The following NTM variants were observed in gnomAD, a reference collection of about 807,000 sequenced individuals.
NTM encodes the protein neurotrimin.
In NTM, 13 loss-of-function variants were observed where a neutral mutation model predicts 42.1. The observed-to-expected ratio is 0.31, with a 90% confidence interval of 0.20 to 0.49. NTM has a LOEUF of 0.49. Ranked by LOEUF, NTM falls within the 20% of genes least tolerant of loss-of-function variation. The pLI is 0.99. For missense variants in NTM, 373 were observed against 452.8 expected, an observed-to-expected ratio of 0.82 and a Z score of 1.60; for synonymous variants, 187 against 179.2, an observed-to-expected ratio of 1.04 and a Z score of -0.35.
chr11:131,766,607 T>C (rs1314462005), intron 1 of NTM, among the ~76,000 whole-genome samples: 1 of 152,196 alleles, frequency 6.6e-6, no homozygotes, highest in African/African-American at 2.4e-5. Flanking sequence ...CTTTCATTTG[T>C]ACAATTATCA....
chr11:132,278,901 A>G (rs776483722), intron 4 of NTM, among the ~76,000 whole-genome samples: 1 of 152,072 alleles, frequency 6.6e-6, no homozygotes, highest in Non-Finnish European at 1.5e-5. Context: ...TTACACCAAT[A>G]TGTAGCTGCA....
chr11:131,692,886 A>C (rs1281490001), intron 1 of NTM, among the ~76,000 whole-genome samples: 2 of 152,338 alleles, frequency 1.3e-5, no homozygotes, highest in Admixed American at 1.3e-4. Context: ...GTCACTGAGC[A>C]TTCAGGGTTA....
At chr11:131,432,761 T>C (rs2135921027) in intron 1 of NTM, among the ~76,000 whole-genome samples, 1 of 151,894 alleles carries the variant, frequency 6.6e-6, no homozygotes, top group Admixed American at 6.6e-5. Flanking sequence ...TACCTCCAGA[T>C]TTCTCAGTAA....
rs1168878200 is a variant in NTM, at chr11:132,003,239, C to T, written c.167+91591C>T. Reference sequence around the variant, plus strand: ...TTGAATCCGGATTCCTCCACCCACACCCTTAGAGTTTTTTTTTCTTTTTTT... The same window carrying T: ...TTGAATCCGGATTCCTCCACCCACATCCTTAGAGTTTTTTTTTCTTTTTTT... On this transcript the variant is annotated intron_variant, in intron 2 of 8. Coordinates refer to ENST00000683400, the MANE Select transcript of NTM (RefSeq NM_001352005.2). This position sits in a 1 kb window ranked among gnomAD's most constrained non-coding sequence, Gnocchi z 6.0. Among the ~76,000 whole-genome samples the T allele has an allele frequency of 2.8e-5, 4 of 142,084 alleles. No homozygotes were observed. Among genetic ancestry groups the T allele is most frequent in the African/African-American group, 5.4e-5 (2 of 36,774 alleles). The allele number at this position is 142,084 out of a possible 152,430, so 93.2% of individuals were successfully genotyped here.
At chr11:132,016,147 T>C (rs969943215) in intron 2 of NTM, among the ~76,000 whole-genome samples, 1 of 152,024 alleles carries the variant, frequency 6.6e-6, no homozygotes, top group South Asian at 2.1e-4. Flanking sequence ...AAATGCTTTT[T>C]CTGCATTATT....
chr11:132,291,324 T>A (rs140858166), intron 4 of NTM, among the ~76,000 whole-genome samples: 264 of 152,250 alleles, frequency 1.7e-3, no homozygotes, highest in Non-Finnish European at 3.0e-3. Context: ...AAGCGTTAAG[T>A]ACTGAGTATG....
intron 1 of NTM, among the ~76,000 whole-genome samples, chr11:131,761,703 G>C (rs562958986): frequency 3.6e-4 from 55 of 152,160 alleles, no homozygotes; most frequent in African/African-American, 1.3e-3. Flanking sequence ...CAGCTACTCA[G>C]GTGGCTGGGG....
At chr11:132,200,722 G>C (rs773923719) in intron 3 of NTM, among the ~76,000 whole-genome samples, 1 of 152,018 alleles carries the variant, frequency 6.6e-6, no homozygotes, top group Non-Finnish European at 1.5e-5. Flanking sequence ...GCTGAGAGCC[G>C]AGAGCGGCGA....
At position 131,552,726 on chromosome 11, in the gene NTM, G is replaced by A. The variant is rs560395538; in HGVS notation, c.82+181838G>A. 2.2e-3 allele frequency among the ~76,000 whole-genome samples: 326 copies of A among 150,668 alleles called. 2 individuals are homozygous for A. Among genetic ancestry groups the A allele is most frequent in the Non-Finnish European group, 1.5e-3 (100 of 67,826 alleles). ...CCAGCAACATAGGAGGCTGAGGCAG[G>A]AGAATGGTGTGAACCCGGGAGGCGG... is the stretch of plus-strand genomic sequence containing the variant. On this transcript the variant is annotated intron_variant, in intron 1 of 8. Transcript: ENST00000683400.
intron 1 of NTM, chr11:131,535,257 C>T (rs2051991194): frequency 6.6e-6 from 1 of 152,146 alleles, no homozygotes; most frequent in African/African-American, 2.4e-5. Flanking sequence ...GAACAAGGCA[C>T]TATCTTGTCT....
chr11:131,392,274 C>T (rs940404015), intron 1 of NTM, among the ~76,000 whole-genome samples: 1 of 149,396 alleles, frequency 6.7e-6, no homozygotes, highest in Non-Finnish European at 1.5e-5. Context: ...GATGGGAGTC[C>T]TGTGTGCAAC....
At position 131,791,404 on chromosome 11, in the gene NTM, A is replaced by G. The variant is rs148094303; in HGVS notation, c.83-120160A>G. On this transcript the variant is annotated intron_variant, in intron 1 of 8. Coordinates refer to ENST00000683400, the MANE Select transcript of NTM (RefSeq NM_001352005.2). ...TGTGTTTATCCTTTTATTAAATGTA[A>G]TGAGTGAGTGTAAGTAATACATACA... Among the ~76,000 whole-genome samples the G allele has an allele frequency of 1.1e-3, 175 of 152,326 alleles. 1 individual carries two copies. In the Middle Eastern group the frequency reaches 0.014, roughly 12 times the overall value.
intron 1 of NTM, chr11:131,582,509 A>G (rs922615460): frequency 3.3e-5 from 5 of 152,150 alleles, no homozygotes; most frequent in African/African-American, 7.2e-5. Context: ...TGCATTTTAA[A>G]TCCAAGACTT....
At chr11:132,036,971 C>T (rs1046300630) in intron 2 of NTM, among the ~76,000 whole-genome samples, 20 of 152,114 alleles carry the variant, frequency 1.3e-4, no homozygotes, top group African/African-American at 4.8e-4. Flanking sequence ...AGTCCTGTCT[C>T]AGTGTTTCCA....
At chr11:131,951,636 A>G (rs2060993705) in intron 2 of NTM, among the ~76,000 whole-genome samples, 2 of 152,056 alleles carry the variant, frequency 1.3e-5, no homozygotes, top group South Asian at 4.1e-4. Flanking sequence ...AGCCTGACCA[A>G]TATGGTGAAA....
chr11:131,739,816 C>G (rs1354708360), intron 1 of NTM, among the ~76,000 whole-genome samples: 1 of 152,196 alleles, frequency 6.6e-6, no homozygotes, highest in Non-Finnish European at 1.5e-5. Context: ...GCTGCGTTCT[C>G]TTCGCTCTTC....
At chr11:132,064,715 C>G (rs1464071671) in intron 2 of NTM, among the ~76,000 whole-genome samples, 1 of 152,236 alleles carries the variant, frequency 6.6e-6, no homozygotes, top group Non-Finnish European at 1.5e-5. Flanking sequence ...CTGATCTCTA[C>G]TCTTTGAACC....
At chr11:132,074,438 T>TA (rs545783400) in intron 2 of NTM, among the ~76,000 whole-genome samples, 2 of 152,058 alleles carry the variant, frequency 1.3e-5, no homozygotes, top group African/African-American at 2.4e-5. Context: ...AGATATTTCA[T>TA]AAAAAAATGG....
At chr11:131,839,576 C>A (rs1254530275) in intron 1 of NTM, among the ~76,000 whole-genome samples, 1 of 152,104 alleles carries the variant, frequency 6.6e-6, no homozygotes, top group Non-Finnish European at 1.5e-5. Context: ...GTTAAGGAAG[C>A]AAGATAACAG....
Sources: gnomAD v4.1 joint callset for allele counts (sites outside exome capture counted in the v4.1 genomes callset) on GRCh38, gnomAD v4.1.1 for gene constraint, Gnocchi (gnomAD v3.1) non-coding constraint, MANE v1.5 for transcripts, NCBI Gene and HGNC (gene_info 2026-07-23, HGNC 2026-07-21) for gene names.